The following MAP2K6 variants were observed in gnomAD, a reference collection of about 807,000 sequenced individuals.
The protein encoded by MAP2K6 is dual specificity mitogen-activated protein kinase kinase 6.
Under a neutral mutation model 53.7 loss-of-function variants are expected in MAP2K6, and 16 were observed. That is an observed-to-expected ratio of 0.30 (90% confidence interval 0.20 to 0.45). The LOEUF (loss-of-function observed/expected upper bound fraction) is 0.45. Ranked by LOEUF, MAP2K6 falls within the 20% of genes least tolerant of loss-of-function variation. The pLI, the probability that MAP2K6 is intolerant of heterozygous loss-of-function variation, is 1.00. For synonymous variants in MAP2K6, 132 were observed against 143.1 expected, an observed-to-expected ratio of 0.92 and a Z score of 0.55; for missense variants, 204 against 411.9, an observed-to-expected ratio of 0.50 and a Z score of 4.37.
chr17:69,518,114 C>T (rs375030982), intron 4 of MAP2K6, among the ~76,000 whole-genome samples: 14 of 152,184 alleles, frequency 9.2e-5, no homozygotes, highest in East Asian at 7.7e-4. Context: ...CACTTGAACC[C>T]GGGAGGTGGA....
chr17:69,513,852 C>T (rs368344840), intron 2 of MAP2K6, among the ~76,000 whole-genome samples: 36 of 152,108 alleles, frequency 2.4e-4, no homozygotes, highest in African/African-American at 8.0e-4. Flanking sequence ...TGGTGGGTGA[C>T]GCCTGTAACT....
At chr17:69,493,691 A>G (rs2009615) in intron 1 of MAP2K6, among the ~76,000 whole-genome samples, 98,209 of 151,926 alleles carry the variant, frequency 0.65, 31,959 homozygotes, top group Middle Eastern at 0.74. Context: ...AACCCGGGAG[A>G]CAGAGGTTGC....
rs550563622 is a variant in MAP2K6, at chr17:69,479,527, TA to T, written c.17-26243del. ...TGTGCATGTACAAATATTCCAAAAT[TA>T]AAAAAAAAATTCAAAACACTTCTGG... On this transcript the variant is annotated intron_variant, in intron 1 of 11. Coordinates refer to ENST00000590474, the MANE Select transcript of MAP2K6 (RefSeq NM_002758.4). 2.7e-3 allele frequency among the ~76,000 whole-genome samples: 400 copies of T among 149,954 alleles called. 1 individual carries two copies. Among genetic ancestry groups the T allele is most frequent in the Non-Finnish European group, 4.2e-3 (284 of 67,412 alleles).
At chr17:69,515,154 A>C (rs1910074308) in intron 2 of MAP2K6, among the ~76,000 whole-genome samples, 1 of 149,500 alleles carries the variant, frequency 6.7e-6, no homozygotes, top group Admixed American at 6.7e-5. Context: ...TGTTTCTCGA[A>C]ATTTGCTTTT....
intron 1 of MAP2K6, among the ~76,000 whole-genome samples, chr17:69,503,059 G>C (rs549663320): frequency 1.3e-5 from 2 of 152,282 alleles, no homozygotes; most frequent in South Asian, 4.1e-4. Context: ...CTTTTGGTTT[G>C]CTTAAATGAC....
chr17:69,446,486 TG>T (rs1358882931), intron 1 of MAP2K6, among the ~76,000 whole-genome samples: 1 of 152,250 alleles, frequency 6.6e-6, no homozygotes, highest in East Asian at 1.9e-4. Flanking sequence ...CCACCAATGT[TG>T]ATAGATATTT....
At chr17:69,506,866 A>G (rs1909517751) in intron 2 of MAP2K6, among the ~76,000 whole-genome samples, 2 of 152,148 alleles carry the variant, frequency 1.3e-5, no homozygotes, top group Non-Finnish European at 2.9e-5. Context: ...AAGAGTCTAA[A>G]CTCAAGATAG....
chr17:69,486,414 C>T lies in MAP2K6; in HGVS notation c.17-19366C>T, dbSNP rs567159698. Among the ~76,000 whole-genome samples, 6 of 152,286 alleles carry T rather than the reference C, an allele frequency of 3.9e-5. No individual in the cohort carries two copies. In the East Asian group the frequency reaches 7.7e-4, roughly 20 times the overall value. On this transcript the variant is annotated intron_variant, in intron 1 of 11. Transcript: ENST00000590474. ...TATTTGGTTAAGTGTGTTCATTTCACTTTGAATGTTAAGGTTTCTGGCATG... is the reference window on the plus strand; with the variant it reads ...TATTTGGTTAAGTGTGTTCATTTCATTTTGAATGTTAAGGTTTCTGGCATG...
intron 1 of MAP2K6, among the ~76,000 whole-genome samples, chr17:69,456,210 T>C (rs1598270908): frequency 6.6e-6 from 1 of 152,182 alleles, no homozygotes; most frequent in Non-Finnish European, 1.5e-5. Context: ...CTGGGTGTAG[T>C]TGATCATCCT....
rs987552967 is a variant in MAP2K6, at chr17:69,546,765, G to A, written c.*5012G>A. 6 of 152,212 alleles carry A rather than the reference G, an allele frequency of 3.9e-5. No homozygotes were observed. Among genetic ancestry groups the A allele is most frequent in the African/African-American group, 1.4e-4 (6 of 41,540 alleles). The allele number at this position is 152,212 out of a possible 1,614,324, so 9.4% of individuals were successfully genotyped here. ...TTAACATCTATCTATGACTTGAAGA[G>A]GGATTTGTTGGCTCAAAGGATCTTC... is the stretch of plus-strand genomic sequence containing the variant. On this transcript the variant is annotated 3_prime_UTR_variant, in exon 12 of 12. Coordinates refer to ENST00000590474, the MANE Select transcript of MAP2K6 (RefSeq NM_002758.4).
chr17:69,523,403 T>C, intron 7 of MAP2K6, 111 bp from the exon 8 acceptor site: 2 of 1,421,650 alleles, frequency 1.4e-6, no homozygotes, highest in Non-Finnish European at 2.0e-6. Context: ...GTTGGGCAGC[T>C]TGGGGAAAGG....
intron 1 of MAP2K6, among the ~76,000 whole-genome samples, chr17:69,438,328 G>C (rs980974744): frequency 2.0e-5 from 3 of 152,164 alleles, no homozygotes; most frequent in Admixed American, 2.0e-4. Flanking sequence ...GTTACCTTGG[G>C]TTTGGCTTTC....
intron 1 of MAP2K6, among the ~76,000 whole-genome samples, chr17:69,475,410 C>T (rs1908117857): frequency 6.6e-6 from 1 of 152,156 alleles, no homozygotes; most frequent in South Asian, 2.1e-4. Context: ...CCTCGTGATC[C>T]GCCCGTCTCG....
chr17:69,520,534 ATGCTTTC>A lies in MAP2K6; in HGVS notation c.483+149_483+155del, dbSNP rs1230713664. On this transcript the variant is annotated intron_variant, in intron 6 of 11. Transcript: ENST00000590474. The stretch of plus-strand genomic sequence containing the variant: ...CATTTATTGGTGGATGGATAAATAC[ATGCTTTC>A]CTTTCTGAGCACTGTGTAGAAGATT... The A allele has an allele frequency of 3.0e-5, 19 of 625,614 alleles. No homozygotes were observed. The East Asian group carries it at 5.2e-4, about 17-fold the overall frequency. The allele number at this position is 625,614 out of a possible 1,614,324, so 38.8% of individuals were successfully genotyped here.
intron 6 of MAP2K6, 119 bp from the exon 7 acceptor site, chr17:69,520,930 T>C: frequency 1.4e-6 from 1 of 724,746 alleles, no homozygotes; most frequent in Non-Finnish European, 2.3e-6. Context: ...GGACCACCAC[T>C]ATTTGAGAAA....
In MAP2K6 at chr17:69,524,504, A is replaced by G. The variant is rs143299513; in HGVS notation, c.664-397A>G. ...AAAAGCTTCCTGTCTGTGTTTAGCT[A>G]AAAATTGCTCAGGTCTATTAGCATG... On this transcript the variant is annotated intron_variant, in intron 8 of 11. Coordinates refer to ENST00000590474, the MANE Select transcript of MAP2K6 (RefSeq NM_002758.4). 3.6e-4 allele frequency among the ~76,000 whole-genome samples: 55 copies of G among 151,628 alleles called. 1 individual carries two copies. Among genetic ancestry groups the G allele is most frequent in the African/African-American group, 1.3e-3 (55 of 41,298 alleles).
chr17:69,541,629 ATTGT>A (rs1197048513), intron 11 of MAP2K6, 43 bp from the exon 12 acceptor site: 2 of 1,377,150 alleles, frequency 1.5e-6, no homozygotes, highest in Non-Finnish European at 1.0e-6. Flanking sequence ...TCATATATTG[ATTGT>A]CAGTAAGACA....
At chr17:69,531,989 A>C (rs564377689) in intron 10 of MAP2K6, among the ~76,000 whole-genome samples, 2 of 152,314 alleles carry the variant, frequency 1.3e-5, no homozygotes, top group East Asian at 3.9e-4. Context: ...GGTTCACAGA[A>C]GGAAGTCACT....
At position 69,535,241 on chromosome 17, in the gene MAP2K6, T is replaced by C. The variant is rs148042718; in HGVS notation, c.882-874T>C. Among the ~76,000 whole-genome samples the C allele has an allele frequency of 8.3e-3, 1,260 of 152,324 alleles. 15 individuals are homozygous for C. The highest frequency in any genetic ancestry group is 0.03 in the South Asian group (145 of 4,828). ...GTCACTGAGTGCGCTCTCTCTTTTA[T>C]CAGCTGTCATAAACAGGTCTTATTA... On this transcript the variant is annotated intron_variant, in intron 10 of 11. Coordinates refer to ENST00000590474, the MANE Select transcript of MAP2K6 (RefSeq NM_002758.4).
Sources: gnomAD v4.1 joint callset for allele counts (sites outside exome capture counted in the v4.1 genomes callset) on GRCh38, gnomAD v4.1.1 for gene constraint, MANE v1.5 for transcripts, NCBI Gene and HGNC (gene_info 2026-07-23, HGNC 2026-07-21) for gene names.